Variants in PDE1C observed in about 807,000 individuals in gnomAD.
PDE1C encodes dual specificity calcium/calmodulin-dependent 3',5'-cyclic nucleotide phosphodiesterase 1C.
A neutral mutation model predicts 93.1 loss-of-function variants in PDE1C; 62 were observed. That is an observed-to-expected ratio of 0.67 (90% confidence interval 0.54 to 0.82). PDE1C has a LOEUF of 0.82. Among genes scored for constraint, PDE1C ranks in the 40% least tolerant of loss-of-function variants. The pLI is 0.00. For missense variants in PDE1C, 742 were observed against 884.6 expected (o/e 0.84, Z 2.04); for synonymous variants, 325 against 310.1 (o/e 1.05, Z -0.50).
At chr7:32,251,547 C>T (rs1809380809) in intron 1 of PDE1C, among the ~76,000 whole-genome samples, 1 of 152,180 alleles carries the variant, frequency 6.6e-6, no homozygotes, top group Non-Finnish European at 1.5e-5. Flanking sequence ...GTTCCAGCCA[C>T]CATGCATCTT....
intron 3 of PDE1C, among the ~76,000 whole-genome samples, chr7:32,142,457 G>A (rs921764975): frequency 2.0e-5 from 3 of 152,062 alleles, no homozygotes; most frequent in Admixed American, 2.0e-4. Context: ...TTCTCCAGAA[G>A]GGACGTGAAA....
At chr7:32,013,264 A>G (rs535654532) in intron 2 of PDE1C, among the ~76,000 whole-genome samples, 6 of 152,232 alleles carry the variant, frequency 3.9e-5, no homozygotes, top group Non-Finnish European at 7.3e-5. Flanking sequence ...CAGTTTAGAC[A>G]ATAATGAAGT....
intron 1 of PDE1C, among the ~76,000 whole-genome samples, chr7:32,391,306 T>C (rs1784744558): frequency 6.6e-6 from 1 of 152,058 alleles, no homozygotes; most frequent in Non-Finnish European, 1.5e-5. Context: ...CAAGAAGATA[T>C]AGCAATTCTA....
intron 2 of PDE1C, among the ~76,000 whole-genome samples, chr7:32,014,110 T>TA (rs1160908562): frequency 6.6e-6 from 1 of 152,228 alleles, no homozygotes; most frequent in East Asian, 1.9e-4. Context: ...GGATAGCACC[T>TA]TCACAATATG....
intron 1 of PDE1C, among the ~76,000 whole-genome samples, chr7:32,361,880 C>T (rs1187385956): frequency 6.6e-6 from 1 of 152,206 alleles, no homozygotes; most frequent in African/African-American, 2.4e-5. Context: ...TGTGTCTGCT[C>T]TTTACTCCTC....
chr7:32,022,744 T>C lies in PDE1C; in HGVS notation c.128+28810A>G, dbSNP rs140564054. Among the ~76,000 whole-genome samples, 9 of 152,058 alleles carry C rather than the reference T, an allele frequency of 5.9e-5. No individual in the cohort carries two copies. The East Asian group carries it at 1.7e-3, about 30-fold the overall frequency. ...TTATTCCTATTGCAAATTACACCTCTATCTCTGAAAAGGACCTCCTGGGAA... is the reference window on the plus strand; with the variant it reads ...TTATTCCTATTGCAAATTACACCTCCATCTCTGAAAAGGACCTCCTGGGAA... On this transcript the variant is annotated intron_variant, in intron 2 of 17. Coordinates refer to ENST00000396191, the MANE Select transcript of PDE1C (RefSeq NM_001191057.4).
At position 32,299,199 on chromosome 7, in the gene PDE1C, T is replaced by C. The variant is rs1003651771; in HGVS notation, c.-464A>G. 28 of 991,482 alleles carry C rather than the reference T, an allele frequency of 2.8e-5. No individual in the cohort carries two copies. In the African/African-American group the frequency reaches 4.5e-4, roughly 16 times the overall value. The allele number at this position is 991,482 out of a possible 1,614,324, so 61.4% of individuals were successfully genotyped here. ...TTGGGGACCCAAGGGAATGGCTGAA[T>C]TGGCGTCGTGCGTCTTCTAGATATG... On this transcript the variant is annotated 5_prime_UTR_variant, in exon 1 of 19. Transcript: ENST00000396193.
At chr7:32,296,786 C>A (rs949921730) in intron 1 of PDE1C, among the ~76,000 whole-genome samples, 1 of 152,214 alleles carries the variant, frequency 6.6e-6, no homozygotes, top group African/African-American at 2.4e-5. Flanking sequence ...TGACAATGAT[C>A]TATTAATGAA....
intron 2 of PDE1C, among the ~76,000 whole-genome samples, chr7:32,040,250 C>A (rs980821133): frequency 1.3e-5 from 2 of 152,192 alleles, no homozygotes; most frequent in Non-Finnish European, 2.9e-5. Context: ...TTAACCCTTA[C>A]AACAAACCCA....
intron 2 of PDE1C, among the ~76,000 whole-genome samples, chr7:31,984,587 C>A (rs950159748): frequency 6.6e-6 from 1 of 152,074 alleles, no homozygotes; most frequent in Non-Finnish European, 1.5e-5. Context: ...GTTTTTTGAA[C>A]AAGGAGACCC....
intron 1 of PDE1C, among the ~76,000 whole-genome samples, chr7:32,266,517 T>A (rs1810585659): frequency 6.6e-6 from 1 of 152,086 alleles, no homozygotes; most frequent in Admixed American, 6.5e-5. Context: ...TAAAAAGCCT[T>A]TCCTTCGGCG....
intron 1 of PDE1C, among the ~76,000 whole-genome samples, chr7:32,293,678 C>A (rs1481707757): frequency 1.3e-5 from 2 of 152,130 alleles, no homozygotes; most frequent in African/African-American, 4.8e-5. Context: ...AGACTGCAAG[C>A]CTCCGTTTGC....
At chr7:31,782,769 C>A (rs1392214472) in intron 16 of PDE1C, among the ~76,000 whole-genome samples, 1 of 152,216 alleles carries the variant, frequency 6.6e-6, no homozygotes, top group Non-Finnish European at 1.5e-5. Flanking sequence ...AAGCAATACA[C>A]ACTCAGAAGA....
intron 2 of PDE1C, among the ~76,000 whole-genome samples, chr7:32,171,467 A>G (rs1234291876): frequency 6.6e-6 from 1 of 150,446 alleles, no homozygotes; most frequent in South Asian, 2.1e-4. Context: ...TAAATAATAC[A>G]ATAACTATTT....
At chr7:32,270,270 C>T (rs1384733208) in intron 1 of PDE1C, among the ~76,000 whole-genome samples, 1 of 150,958 alleles carries the variant, frequency 6.6e-6, no homozygotes, top group Non-Finnish European at 1.5e-5. Context: ...TTTGGCGCAA[C>T]TGTGTTTTCT....
At chr7:31,921,144 C>T (rs1324143965) in intron 2 of PDE1C, among the ~76,000 whole-genome samples, 2 of 152,202 alleles carry the variant, frequency 1.3e-5, no homozygotes, top group African/African-American at 4.8e-5. Flanking sequence ...TAGGATGGCA[C>T]AGGCTAGAAA....
chr7:32,287,004 A>G (rs970300203), intron 1 of PDE1C, among the ~76,000 whole-genome samples: 2 of 152,190 alleles, frequency 1.3e-5, no homozygotes, highest in Non-Finnish European at 2.9e-5. Context: ...TTTGAAAGAG[A>G]GAACTAATAC....
chr7:32,234,442 C>T (rs1006116613), intron 1 of PDE1C, among the ~76,000 whole-genome samples: 1 of 151,860 alleles, frequency 6.6e-6, no homozygotes, highest in African/African-American at 2.4e-5. Context: ...GGGCTCAACA[C>T]AGACCCTGCA....
At chr7:32,220,047 C>T (rs980229936) in intron 1 of PDE1C, among the ~76,000 whole-genome samples, 9 of 152,124 alleles carry the variant, frequency 5.9e-5, no homozygotes, top group Non-Finnish European at 1.0e-4. Flanking sequence ...ATGTCTTTTG[C>T]CTTCCACCAT....
Sources: gnomAD v4.1 joint callset for allele counts (sites outside exome capture counted in the v4.1 genomes callset) on GRCh38, gnomAD v4.1.1 for gene constraint, MANE v1.5 for transcripts, NCBI Gene and HGNC (gene_info 2026-07-23, HGNC 2026-07-21) for gene names.